PCDH15: variants seen among roughly 807,000 people sequenced by gnomAD.
The protein encoded by PCDH15 is protocadherin-15.
In PCDH15, 129 loss-of-function variants were observed where a neutral mutation model predicts 178.5. The observed-to-expected ratio is 0.72, with a 90% CI of 0.63 to 0.84. The LOEUF (loss-of-function observed/expected upper bound fraction) is 0.84, where lower values mean the gene tolerates loss of function less well. Among genes scored for constraint, PCDH15 ranks in the 40% least tolerant of loss-of-function variants. The pLI is 0.00. For missense variants in PCDH15, 2,230 were observed against 2,099.9 expected, an observed-to-expected ratio of 1.06 and a Z score of -1.21; for synonymous variants, 800 against 732.0, an observed-to-expected ratio of 1.09 and a Z score of -1.50.
chr10:55,387,339 A>C (rs993251296), intron 2 of PCDH15, among the ~76,000 whole-genome samples: 5 of 152,032 alleles, frequency 3.3e-5, no homozygotes, highest in Non-Finnish European at 5.9e-5. Flanking sequence ...AATATGGCCC[A>C]CTCTCACCAG....
Position 54,726,419 on chromosome 10 carries a change from G to GGTGT in PCDH15, c.-28-62133_-28-62130dup, listed in dbSNP as rs72051103. On this transcript the variant is annotated intron_variant, in intron 1 of 37. Coordinates refer to ENST00000644397, the MANE Select transcript of PCDH15 (RefSeq NM_001384140.1). ...CTTTAGCACATTTCTACCCATCAGG[G>GGTGT]GTGTGTGTGTGTGTGTGTGTGTGTG... Among the ~76,000 whole-genome samples, 185 of 19,502 alleles carry GGTGT rather than the reference G, an allele frequency of 9.5e-3. 1 individual carries two copies. The highest frequency in any genetic ancestry group is 0.035 in the East Asian group (86 of 2,446). 12.8% of individuals were successfully genotyped at this position (19,502 alleles called of 152,430 possible).
At chr10:53,898,882 T>A (rs1030761702) in intron 26 of PCDH15, among the ~76,000 whole-genome samples, 1 of 152,192 alleles carries the variant, frequency 6.6e-6, no homozygotes, top group Non-Finnish European at 1.5e-5. Flanking sequence ...ACTGAAATTC[T>A]GTTAAAGTGT....
chr10:54,219,700 A>G (rs1006328504), intron 9 of PCDH15, among the ~76,000 whole-genome samples: 2 of 151,852 alleles, frequency 1.3e-5, no homozygotes, highest in Non-Finnish European at 2.9e-5. Flanking sequence ...CGAGAAAAAC[A>G]AAAACAAAAA....
chr10:54,393,782 G>A (rs1950845385), intron 3 of PCDH15, among the ~76,000 whole-genome samples: 1 of 151,964 alleles, frequency 6.6e-6, no homozygotes, highest in South Asian at 2.1e-4. Context: ...ACTTTTTAGG[G>A]AAAAAAGACA....
chr10:54,446,121 C>T (rs916422427), intron 3 of PCDH15, among the ~76,000 whole-genome samples: 10 of 151,446 alleles, frequency 6.6e-5, no homozygotes, highest in African/African-American at 2.2e-4. Context: ...TCTTCTTAGG[C>T]CCAGCATTTC....
chr10:54,804,948 T>TATATATATATATATATATAC (rs905516559), upstream of PCDH15, among the ~76,000 whole-genome samples: 865 of 127,104 alleles, frequency 6.8e-3, 44 homozygotes, highest in Non-Finnish European at 0.011. Flanking sequence ...TATATATATA[T>TATATATATATATATATATAC]ACAGAGTTTG....
rs1485361682 is a variant in PCDH15, at chr10:54,066,843, C to T, written c.2134G>A (p.Asp712Asn). Residue 712 changes from aspartate to asparagine, a missense_variant, in exon 18 of 38, where the codon GAC becomes AAC. Physicochemically the swap from Asp to Asn is conservative, Grantham distance 23 (BLOSUM62 1). Transcript: ENST00000644397. Reference sequence around the variant, plus strand: ...TAAGGATCAAACACTGGAGCATTGTCATTGACATCTGTCACCACTATGTTT... The same window carrying T: ...TAAGGATCAAACACTGGAGCATTGTTATTGACATCTGTCACCACTATGTTT... ...TVNIVVTDVNDNAPVFDPYLP... is the reference protein window; with the variant it reads ...TVNIVVTDVNNNAPVFDPYLP... The T allele has an allele frequency of 1.1e-5, 18 of 1,613,284 alleles. No homozygotes were observed. The highest frequency in any genetic ancestry group is 2.2e-5 in the East Asian group (1 of 44,788).
chr10:55,307,273 C>G (rs1048277866), intron 1 of PCDH15, among the ~76,000 whole-genome samples: 1 of 151,992 alleles, frequency 6.6e-6, no homozygotes, highest in Non-Finnish European at 1.5e-5. Flanking sequence ...GAGGCCGAGG[C>G]AGGCGGATCA....
At chr10:55,358,826 G>T (rs1056328810) in intron 2 of PCDH15, among the ~76,000 whole-genome samples, 1 of 151,988 alleles carries the variant, frequency 6.6e-6, no homozygotes, top group Admixed American at 6.6e-5. Context: ...TTTGCTTTTC[G>T]TAATAGTTCC....
intron 32 of PCDH15, among the ~76,000 whole-genome samples, chr10:53,825,864 C>G (rs1170886708): frequency 6.6e-6 from 1 of 151,356 alleles, no homozygotes; most frequent in African/African-American, 2.4e-5. Context: ...ATTGCAAAAT[C>G]TACTGAGTCT....
intron 8 of PCDH15, among the ~76,000 whole-genome samples, chr10:54,310,084 G>C (rs150548428): frequency 4.3e-4 from 65 of 152,170 alleles, no homozygotes; most frequent in African/African-American, 1.1e-3. Context: ...AATTCTCAGA[G>C]TTGTTCAGGG....
rs776227894 is a variant in PCDH15 at position 53,840,459 on chromosome 10, C to T, written c.3844G>A (p.Ala1282Thr). 14 of 1,613,948 alleles carry T rather than the reference C, an allele frequency of 8.7e-6. No individual in the cohort carries two copies. Among genetic ancestry groups the T allele is most frequent in the African/African-American group, 1.3e-5 (1 of 74,890 alleles). Residue 1282 changes from alanine to threonine, a missense_variant, in exon 29 of 38, where the codon GCC (alanine) becomes ACC (threonine). Physicochemically the swap from Ala to Thr is moderately conservative, Grantham distance 58. Coordinates refer to ENST00000644397, the MANE Select transcript of PCDH15 (RefSeq NM_001384140.1). ...DRYVQEQIPG[A>T]KVVVESIGAR... The stretch of plus-strand genomic sequence containing the variant: ...CCAATGGACTCCACTACGACCTTGG[C>T]ACCAGGAATTTGTTCCTGAACATAG...
chr10:54,059,017 T>C (rs1184405958), intron 18 of PCDH15, among the ~76,000 whole-genome samples: 1 of 152,178 alleles, frequency 6.6e-6, no homozygotes, highest in African/African-American at 2.4e-5. Context: ...TCTAACAGTA[T>C]GTTTGTAACA....
intron 23 of PCDH15, among the ~76,000 whole-genome samples, chr10:53,950,016 T>A (rs2086889782): frequency 6.6e-6 from 1 of 152,164 alleles, no homozygotes; most frequent in South Asian, 2.1e-4. Flanking sequence ...TGTAAAACTT[T>A]CAACCTGTCA....
At chr10:54,029,017 G>C (rs577257307) in intron 18 of PCDH15, among the ~76,000 whole-genome samples, 1 of 152,160 alleles carries the variant, frequency 6.6e-6, no homozygotes, top group South Asian at 2.1e-4. Context: ...ACATCTAATG[G>C]AAACAAAGGG....
At chr10:55,058,830 G>A (rs989002575) in intron 2 of PCDH15, among the ~76,000 whole-genome samples, 1 of 152,066 alleles carries the variant, frequency 6.6e-6, no homozygotes, top group Non-Finnish European at 1.5e-5. Flanking sequence ...CCTATTGGAT[G>A]GATTGAACTT....
At chr10:54,754,942 CT>C (rs35143502) in intron 1 of PCDH15, among the ~76,000 whole-genome samples, 145 of 33,794 alleles carry the variant, frequency 4.3e-3, no homozygotes, top group African/African-American at 0.012. Flanking sequence ...GTTTTTCTTT[CT>C]TTTTTTTTTT....
intron 1 of PCDH15, among the ~76,000 whole-genome samples, chr10:55,210,918 G>A (rs1840555040): frequency 6.6e-6 from 1 of 151,874 alleles, no homozygotes; most frequent in Non-Finnish European, 1.5e-5. Context: ...GAACCACCGT[G>A]TCCGGTCTGA....
chr10:54,446,704 T>C lies in PCDH15; in HGVS notation c.158-67762A>G, dbSNP rs2076159862. 2.0e-5 allele frequency among the ~76,000 whole-genome samples: 3 copies of C among 151,570 alleles called. No homozygotes were observed. The Admixed American group carries it at 2.0e-4, about 10-fold the overall frequency. On this transcript the variant is annotated intron_variant, in intron 3 of 37. Coordinates refer to ENST00000644397, the MANE Select transcript of PCDH15 (RefSeq NM_001384140.1). ...ATTTAATATATGCATTACCTTGTAA[T>C]TGGGCCCCTTGAGATTTTAGTATCT...
Sources: allele counts gnomAD v4.1 joint callset (sites outside exome capture counted in the v4.1 genomes callset), GRCh38; gene constraint gnomAD v4.1.1; transcripts MANE v1.5; gene names NCBI Gene and HGNC (gene_info 2026-07-23, HGNC 2026-07-21).